Variants in KDM4B observed in about 807,000 individuals in gnomAD.
The protein encoded by KDM4B is lysine-specific demethylase 4B.
KDM4B carries 32 observed loss-of-function variants against 125.2 expected under a neutral mutation model. The ratio of observed to expected loss-of-function variants is 0.26; its 90% CI spans 0.19 to 0.34. The LOEUF is 0.34. Among genes scored for constraint, KDM4B ranks in the 10% least tolerant of loss-of-function variants. The pLI, the probability that KDM4B is intolerant of heterozygous loss-of-function variation, is 1.00. For synonymous variants in KDM4B, 721 were observed against 677.9 expected (o/e 1.06, Z -0.99); for missense variants, 1,190 against 1,577.7 (o/e 0.75, Z 4.16).
chr19:4,976,769 G>A (rs1056035049), intron 1 of KDM4B, among the ~76,000 whole-genome samples: 4 of 152,174 alleles, frequency 2.6e-5, no homozygotes, highest in African/African-American at 2.4e-5. Flanking sequence ...GCCATCGTGC[G>A]GTCAGTAGCC....
chr19:4,987,329 T>C (rs2034872423), intron 1 of KDM4B, among the ~76,000 whole-genome samples: 1 of 152,254 alleles, frequency 6.6e-6, no homozygotes, highest in African/African-American at 2.4e-5. Flanking sequence ...CAGGAGCGCT[T>C]TCTCTTATAG....
chr19:5,054,742 C>A (rs2037344054), intron 6 of KDM4B, among the ~76,000 whole-genome samples: 1 of 152,120 alleles, frequency 6.6e-6, no homozygotes, highest in Non-Finnish European at 1.5e-5. Context: ...TGGTGCCGTG[C>A]TTGGGTAAGT....
rs982447092 is a variant in KDM4B, at chr19:5,082,623, C to T, written c.918+119C>T. 1.8e-6 allele frequency: 2 copies of T among 1,136,760 alleles called. No homozygotes were observed. The highest frequency in any genetic ancestry group is 2.4e-6 in the Non-Finnish European group (2 of 823,846). 70.4% of individuals were successfully genotyped at this position (1,136,760 alleles called of 1,614,324 possible). A position where few individuals can be genotyped will look rare whatever the true frequency, so the allele number is the denominator to read the frequency against. ...CGTTTCGCTCAGCCCAGGGCCTGGG[C>T]TCTCAACCAGGGTCTGATTCTGGGC... On this transcript the variant is annotated intron_variant, in intron 9 of 22. Coordinates refer to ENST00000159111, the MANE Select transcript of KDM4B (RefSeq NM_015015.3). This position sits in a 1 kb window ranked among gnomAD's most constrained non-coding sequence, Gnocchi z 5.4.
chr19:5,085,428 C>G (rs188220011), intron 9 of KDM4B, among the ~76,000 whole-genome samples: 1 of 152,194 alleles, frequency 6.6e-6, no homozygotes, highest in Non-Finnish European at 1.5e-5. Flanking sequence ...CCCCAGGCCT[C>G]GGGCTTGTCC....
chr19:5,020,214 C>T (rs1211254731), intron 2 of KDM4B, among the ~76,000 whole-genome samples: 3 of 135,392 alleles, frequency 2.2e-5, no homozygotes, highest in Admixed American at 7.7e-5. Context: ...TATTGGTGTG[C>T]AGGTGTTAGT....
At chr19:5,059,953 G>GC (rs2037532979) in intron 6 of KDM4B, among the ~76,000 whole-genome samples, 2 of 152,230 alleles carry the variant, frequency 1.3e-5, no homozygotes, top group Non-Finnish European at 2.9e-5. Flanking sequence ...CAGCCCTGGT[G>GC]CCCAGCTGGC....
intron 12 of KDM4B, 116 bp downstream of exon 12, chr19:5,131,661 A>AGGTGGGTTGGGGCGGGGGAGGAGGGGG: frequency 5.2e-6 from 1 of 191,684 alleles, no homozygotes; most frequent in Non-Finnish European, 8.8e-6. Context: ...GGAGGAGGGG[A>AGGTGGGTTGGGGCGGGGGAGGAGGGGG]CAGGAGGGCT....
chr19:5,131,746 G>A, intron 12 of KDM4B, 141 bp from the exon 13 acceptor site: 3 of 1,008,810 alleles, frequency 3.0e-6, no homozygotes, highest in Non-Finnish European at 4.5e-6. Context: ...GAACAGAGGA[G>A]CCCTGTGGTT....
intron 6 of KDM4B, among the ~76,000 whole-genome samples, chr19:5,068,777 G>A (rs1379869483): frequency 6.6e-6 from 1 of 152,248 alleles, no homozygotes; most frequent in African/African-American, 2.4e-5. Flanking sequence ...TCCTCTGAAC[G>A]CTGGGCCTGC....
chr19:5,119,054 A>C, intron 10 of KDM4B: 1 of 1,016,328 alleles, frequency 9.8e-7, no homozygotes, highest in Non-Finnish European at 1.5e-6. Context: ...GGTGGCCAGG[A>C]CCAGGCGTCC....
chr19:5,109,554 C>T (rs1471309732), intron 9 of KDM4B, among the ~76,000 whole-genome samples: 1 of 152,220 alleles, frequency 6.6e-6, no homozygotes, highest in Non-Finnish European at 1.5e-5. Context: ...ACTCGCTTGA[C>T]GTTCCCAAAC....
intron 9 of KDM4B, among the ~76,000 whole-genome samples, chr19:5,096,804 C>T (rs528606563): frequency 3.8e-4 from 58 of 151,960 alleles, no homozygotes; most frequent in African/African-American, 1.2e-3. Context: ...GGAGGTGTCC[C>T]GCGGTGCCCC....
intron 2 of KDM4B, among the ~76,000 whole-genome samples, chr19:5,023,752 T>G (rs1162151235): frequency 7.0e-6 from 1 of 142,378 alleles, no homozygotes; most frequent in Non-Finnish European, 1.5e-5. Context: ...TGCACTGTCT[T>G]TTTGAATTTT....
At chr19:5,047,161 GT>G in intron 5 of KDM4B, 7 of 266,044 alleles carry the variant, frequency 2.6e-5, no homozygotes, top group Non-Finnish European at 5.0e-5. Flanking sequence ...GCCAGGTGTG[GT>G]TTCTCACGCC....
intron 9 of KDM4B, among the ~76,000 whole-genome samples, chr19:5,087,800 G>A (rs2038554788): frequency 6.6e-6 from 1 of 152,206 alleles, no homozygotes; most frequent in Non-Finnish European, 1.5e-5. Context: ...GTATCTCAGA[G>A]CCATGAAACT....
At chr19:5,045,395 G>A (rs1048833158) in intron 5 of KDM4B, among the ~76,000 whole-genome samples, 6 of 152,040 alleles carry the variant, frequency 3.9e-5, no homozygotes, top group African/African-American at 1.5e-4. Flanking sequence ...TGTTGTTGTT[G>A]TTGTTGTTTG....
chr19:5,084,511 T>C (rs1396581728), intron 9 of KDM4B, among the ~76,000 whole-genome samples: 2 of 85,790 alleles, frequency 2.3e-5, no homozygotes, highest in Non-Finnish European at 4.3e-5. Flanking sequence ...ATATTATATA[T>C]AAATATAAAT....
chr19:4,989,630 C>T (rs1249354640), intron 1 of KDM4B, among the ~76,000 whole-genome samples: 1 of 151,772 alleles, frequency 6.6e-6, no homozygotes, highest in Non-Finnish European at 1.5e-5. Flanking sequence ...CATGAGCCAC[C>T]ATGCCCAGTC....
At chr19:5,137,715 G>C in intron 17 of KDM4B, 39 bp downstream of exon 17, 5 of 1,540,036 alleles carry the variant, frequency 3.2e-6, no homozygotes, top group Non-Finnish European at 4.4e-6. Context: ...GGGCCGGAGG[G>C]GAGCCTGCCC....
Sources: gnomAD v4.1 joint callset for allele counts (sites outside exome capture counted in the v4.1 genomes callset) on GRCh38, gnomAD v4.1.1 for gene constraint, Gnocchi (gnomAD v3.1) non-coding constraint, MANE v1.5 for transcripts, NCBI Gene and HGNC (gene_info 2026-07-23, HGNC 2026-07-21) for gene names.